TPCN1: variants seen among roughly 807,000 people sequenced by gnomAD.
TPCN1 encodes two pore segment channel 1, also known as two pore channel protein 1.
In TPCN1, 52 loss-of-function variants were observed where a neutral mutation model predicts 108.8. The observed-to-expected ratio is 0.48, with a 90% CI of 0.38 to 0.60. TPCN1 has a LOEUF of 0.60. Among genes scored for constraint, TPCN1 ranks in the 20% least tolerant of loss-of-function variants. The pLI is 0.00. For missense variants in TPCN1, 806 were observed against 1,072.8 expected (o/e 0.75, Z 3.47); for synonymous variants, 446 against 433.7 (o/e 1.03, Z -0.35).
rs1956060763 is a variant in TPCN1, at chr12:113,285,933, G to A, written c.1498G>A (p.Val500Met). The A allele has an allele frequency of 1.2e-6, 2 of 1,614,110 alleles. No homozygotes were observed. The highest frequency in any genetic ancestry group is 2.2e-5 in the South Asian group (2 of 91,090). ...LFLKVAGLGP[V>M]EYLSSGWNLF... ...CCTGAAGGTTGCCGGCCTGGGCCCT[G>A]TGGAGTACTTGTCTTCCGGATGGAA... Residue 500 changes from valine (V) to methionine (M), a missense_variant, in exon 18 of 28, where the codon GTG (valine) becomes ATG (methionine). Val to Met is a conservative substitution (Grantham distance 21). Transcript: ENST00000335509.
At chr12:113,264,715 T>C (rs930686898) in intron 3 of TPCN1, among the ~76,000 whole-genome samples, 3 of 152,102 alleles carry the variant, frequency 2.0e-5, no homozygotes, top group Non-Finnish European at 4.4e-5. Flanking sequence ...ACATAACATA[T>C]AAATATATCA....
In TPCN1 at chr12:113,288,172, G is replaced by A; in HGVS notation, c.1644G>A (p.Lys548=). The change falls in exon 20 of 28, where the codon AAG becomes AAA. Residue 548 remains lysine, a synonymous_variant. Coordinates refer to ENST00000335509, the MANE Select transcript of TPCN1 (RefSeq NM_017901.6). The surrounding 1 kb of genome is among the most constrained non-coding windows in gnomAD (Gnocchi z 4.8). ...TGTCCTCCTCGCTCAGGTTGTTTAA[G>A]TTGAAGGAGCGCTACCGCAACGTGC... ...LRPLQLLRLF[K]LKERYRNVLD... is the part of the protein sequence containing the mutation. The A allele has an allele frequency of 6.2e-7, 1 of 1,613,460 alleles. No individual in the cohort carries two copies. The highest frequency in any genetic ancestry group is 1.3e-5 in the African/African-American group (1 of 75,040).
intron 3 of TPCN1, among the ~76,000 whole-genome samples, chr12:113,264,537 G>C (rs61943606): frequency 0.049 from 7,507 of 152,054 alleles, 263 homozygotes; most frequent in Middle Eastern, 0.068. Context: ...AAATTAGCCA[G>C]GTGTGGTGGT....
chr12:113,271,730 T>G (rs1955508683), intron 7 of TPCN1, among the ~76,000 whole-genome samples: 1 of 152,236 alleles, frequency 6.6e-6, no homozygotes, highest in Admixed American at 6.5e-5. Context: ...CCTGTGTGTT[T>G]CCCGGTGCTC....
chr12:113,241,690 G>C (rs1159369289), intron 2 of TPCN1, among the ~76,000 whole-genome samples: 1 of 151,998 alleles, frequency 6.6e-6, no homozygotes, highest in Non-Finnish European at 1.5e-5. Flanking sequence ...GCTTCCAAGT[G>C]AATATGGAAC....
Position 113,273,214 on chromosome 12 carries a change from C to T in TPCN1, c.784-18C>T. The T allele has an allele frequency of 6.2e-7, 1 of 1,613,958 alleles. No homozygotes were observed. The highest frequency in any genetic ancestry group is 8.5e-7 in the Non-Finnish European group (1 of 1,179,792). On this transcript the variant is annotated intron_variant, in intron 8 of 27. Coordinates refer to ENST00000335509, the MANE Select transcript of TPCN1 (RefSeq NM_017901.6). This position sits in a 1 kb window ranked among gnomAD's most constrained non-coding sequence, Gnocchi z 4.0. ...CTCTTGGCTGGTCCCGACTTCTCTG[C>T]CCTCTCTTCCCTTGCAGTACTTCAG... is the stretch of plus-strand genomic sequence containing the variant.
chr12:113,260,250 G>C, intron 2 of TPCN1, 118 bp from the exon 3 acceptor site: 1 of 1,167,794 alleles, frequency 8.6e-7, no homozygotes, highest in Non-Finnish European at 1.2e-6. Context: ...TTGATTTGAA[G>C]ATGACGGGAT....
chr12:113,242,653 A>C (rs78122678), intron 2 of TPCN1, among the ~76,000 whole-genome samples: 2 of 152,322 alleles, frequency 1.3e-5, no homozygotes, highest in East Asian at 3.9e-4. Flanking sequence ...TGGCACTTTA[A>C]GCTTCAGAAT....
chr12:113,279,749 T>C (rs1955826930), intron 14 of TPCN1, among the ~76,000 whole-genome samples: 1 of 152,198 alleles, frequency 6.6e-6, no homozygotes, highest in Non-Finnish European at 1.5e-5. Context: ...ATGTATACTT[T>C]GCATGACCCC....
At chr12:113,233,647 A>C (rs926815663) in intron 2 of TPCN1, among the ~76,000 whole-genome samples, 1 of 152,118 alleles carries the variant, frequency 6.6e-6, no homozygotes, top group Admixed American at 6.6e-5. Flanking sequence ...GCCTGGGGAG[A>C]GGATGTGCCT....
chr12:113,227,500 C>T (rs1340849320), intron 2 of TPCN1, among the ~76,000 whole-genome samples: 1 of 152,144 alleles, frequency 6.6e-6, no homozygotes, highest in African/African-American at 2.4e-5. Flanking sequence ...TTCCTCTGAA[C>T]CAAAGCCTAG....
intron 2 of TPCN1, among the ~76,000 whole-genome samples, chr12:113,229,117 C>T (rs896052094): frequency 1.3e-5 from 2 of 152,202 alleles, no homozygotes; most frequent in Non-Finnish European, 1.5e-5. Flanking sequence ...ATAAGACTCC[C>T]CTTGGCTAGG....
Position 113,268,899 on chromosome 12 carries a change from G to A in TPCN1, c.659+27G>A. ...TAAGGCCCGGGTGGGGAGCTGGGCAGTCACTATCCTGGCATGGCCTGACCT... is the reference window on the plus strand; with the variant it reads ...TAAGGCCCGGGTGGGGAGCTGGGCAATCACTATCCTGGCATGGCCTGACCT... On this transcript the variant is annotated intron_variant, in intron 6 of 27. Transcript: ENST00000335509. The surrounding 1 kb of genome is among the most constrained non-coding windows in gnomAD (Gnocchi z 7.3). 6.2e-7 allele frequency: 1 copy of A among 1,613,008 alleles called. No individual in the cohort carries two copies. The highest frequency in any genetic ancestry group is 1.1e-5 in the South Asian group (1 of 90,988).
rs1423897860 is a variant in TPCN1 at position 113,266,423 on chromosome 12, C to T, written c.414+67C>T. Reference sequence around the variant, plus strand: ...GCTTTCAGGGCAAGCGATGGAACTCCAAAAAGGAACATTCTGGGAGGGCAA... The same window carrying T: ...GCTTTCAGGGCAAGCGATGGAACTCTAAAAAGGAACATTCTGGGAGGGCAA... On this transcript the variant is annotated intron_variant, in intron 4 of 27. Coordinates refer to ENST00000335509, the MANE Select transcript of TPCN1 (RefSeq NM_017901.6). This position sits in a 1 kb window ranked among gnomAD's most constrained non-coding sequence, Gnocchi z 4.2. 1.3e-6 allele frequency: 2 copies of T among 1,563,752 alleles called. No homozygotes were observed. Among genetic ancestry groups the T allele is most frequent in the Non-Finnish European group, 1.7e-6 (2 of 1,156,062 alleles).
Position 113,243,933 on chromosome 12 carries a change from T to C in TPCN1, c.113-16435T>C, listed in dbSNP as rs75475121. On this transcript the variant is annotated intron_variant, in intron 2 of 27. Transcript: ENST00000335509. ...TTTGATGTGCTCATTTCCCAGCCCC[T>C]CTCCCTGCCTACATTCTCCTCTGTC... Among the ~76,000 whole-genome samples, 667 of 152,142 alleles carry C rather than the reference T, an allele frequency of 4.4e-3. 4 individuals carry two copies. The highest frequency in any genetic ancestry group is 6.7e-3 in the Non-Finnish European group (457 of 67,992).
chr12:113,265,348 C>G (rs776979247), intron 3 of TPCN1, among the ~76,000 whole-genome samples: 1 of 152,066 alleles, frequency 6.6e-6, no homozygotes, highest in Non-Finnish European at 1.5e-5. Context: ...TGAAGAAGCT[C>G]AGCCTCAAGG....
rs1953703007 is a variant in TPCN1, at chr12:113,231,986, A to G, written c.112+5022A>G. Among the ~76,000 whole-genome samples the G allele has an allele frequency of 6.6e-6, 1 of 152,220 alleles. No individual in the cohort carries two copies. Among genetic ancestry groups the G allele is most frequent in the Non-Finnish European group, 1.5e-5 (1 of 68,034 alleles). On this transcript the variant is annotated intron_variant, in intron 2 of 27. Transcript: ENST00000335509. The surrounding 1 kb of genome is among the most constrained non-coding windows in gnomAD (Gnocchi z 4.3). Reference sequence around the variant, plus strand: ...TAGTGGGCAGTCCAAGGAATTTCCCAGGGTAACTCTGGTCACACTCAGCTC... The same window carrying G: ...TAGTGGGCAGTCCAAGGAATTTCCCGGGGTAACTCTGGTCACACTCAGCTC...
intron 14 of TPCN1, among the ~76,000 whole-genome samples, 179 bp downstream of exon 14, chr12:113,279,014 CAGATTGGG>C (rs1199399258): frequency 6.6e-6 from 1 of 151,664 alleles, no homozygotes; most frequent in Non-Finnish European, 1.5e-5. Flanking sequence ...TGGTAGGAAG[CAGATTGGG>C]AGAGAAATGG....
chr12:113,235,070 C>T (rs1037557445), intron 2 of TPCN1, among the ~76,000 whole-genome samples: 3 of 152,226 alleles, frequency 2.0e-5, no homozygotes, highest in East Asian at 3.8e-4. Flanking sequence ...TTGAGGTTAT[C>T]TTCCTCTTCC....
Sources: gnomAD v4.1 joint callset for allele counts (sites outside exome capture counted in the v4.1 genomes callset) on GRCh38, gnomAD v4.1.1 for gene constraint, Gnocchi (gnomAD v3.1) non-coding constraint, MANE v1.5 for transcripts, NCBI Gene and HGNC (gene_info 2026-07-23, HGNC 2026-07-21) for gene names.